Variants in SLC12A9 observed in about 807,000 individuals in gnomAD.
SLC12A9 encodes solute carrier family 12 member 9.
In SLC12A9, 55 loss-of-function variants were observed where a neutral mutation model predicts 66.0. The observed-to-expected ratio is 0.83, with a 90% confidence interval of 0.67 to 1.04. The LOEUF (loss-of-function observed/expected upper bound fraction) is 1.04. SLC12A9 is among the 50% of genes least tolerant of loss of function. The pLI is 0.00. For synonymous variants in SLC12A9, 577 were observed against 569.0 expected (o/e 1.01, Z -0.20); for missense variants, 1,061 against 1,241.9 (o/e 0.85, Z 2.19).
At position 100,866,206 on chromosome 7, in the gene SLC12A9, G is replaced by A. The variant is rs550363475; in HGVS notation, c.2346G>A (p.Glu782=). 1.2e-6 allele frequency: 2 copies of A among 1,610,788 alleles called. No individual in the cohort carries two copies. The highest frequency in any genetic ancestry group is 1.3e-5 in the African/African-American group (1 of 74,990). ...LGPREAPGAA[E]GRLRALLSQL... The stretch of plus-strand genomic sequence containing the variant: ...CTCGGGAGGCGCCTGGGGCGGCCGA[G>A]GGGCGGCTGCGGGCACTGCTGAGCC... The change falls in exon 14 of 14, where the codon GAG becomes GAA. Residue 782 remains glutamate (E), a synonymous_variant. Transcript: ENST00000354161. This position sits in a 1 kb window ranked among gnomAD's most constrained non-coding sequence, Gnocchi z 7.3.
At position 100,832,152 on chromosome 7, in the gene SLC12A9, A is replaced by G. The variant is rs1458404387; in HGVS notation, n.228+5105A>G. Among the ~76,000 whole-genome samples, 4 of 152,266 alleles carry G rather than the reference A, an allele frequency of 2.6e-5. No individual in the cohort carries two copies. In the East Asian group the frequency reaches 7.7e-4, roughly 29 times the overall value. On this transcript the variant is annotated intron_variant and non_coding_transcript_variant, in intron 1 of 1. Transcript: ENST00000461016. The stretch of plus-strand genomic sequence containing the variant: ...GAGGCGGAGGTTGCAGTGAGCCGAG[A>G]TCGCGCCACTGCACTCCAGCCTGGC...
chr7:100,845,041 C>T (rs951518224), intron 1 of SLC12A9, among the ~76,000 whole-genome samples: 1 of 151,770 alleles, frequency 6.6e-6, no homozygotes, highest in African/African-American at 2.4e-5. Context: ...CTGATGAATT[C>T]CTGGCACAAA....
intron 12 of SLC12A9, 105 bp downstream of exon 12, chr7:100,862,016 G>A (rs111627649): frequency 3.2e-6 from 4 of 1,267,702 alleles, no homozygotes; most frequent in African/African-American, 1.5e-5. Flanking sequence ...CTGGAGTGCA[G>A]TGGGACGATC....
intron 1 of SLC12A9, among the ~76,000 whole-genome samples, chr7:100,830,786 C>T (rs1813529071): frequency 6.6e-6 from 1 of 151,900 alleles, no homozygotes; most frequent in Admixed American, 6.6e-5. Context: ...AAAAAAAATC[C>T]CATGATTTCC....
chr7:100,844,923 G>A (rs766631801), intron 1 of SLC12A9, among the ~76,000 whole-genome samples: 16 of 152,008 alleles, frequency 1.1e-4, no homozygotes, highest in Admixed American at 2.6e-4. Context: ...TTAGCCGAGC[G>A]TGCAGCCCAG....
chr7:100,864,727 T>A (rs1814974754), intron 13 of SLC12A9, among the ~76,000 whole-genome samples: 1 of 152,202 alleles, frequency 6.6e-6, no homozygotes, highest in Admixed American at 6.5e-5. Context: ...TATGGGCAAG[T>A]GACTTCATCC....
At position 100,852,813 on chromosome 7, in the gene SLC12A9, C is replaced by G. The variant is rs887745888; in HGVS notation, c.-65C>G. ...GGAGCCCCCCGGCTCGCGGGGATCG[C>G]CCCCGAGCGCTGCGTCCTGCGGGTG... is the stretch of plus-strand genomic sequence containing the variant. On this transcript the variant is annotated 5_prime_UTR_variant, in exon 1 of 14. Transcript: ENST00000354161. 6.6e-6 allele frequency: 1 copy of G among 152,254 alleles called. No homozygotes were observed. Among genetic ancestry groups the G allele is most frequent in the Middle Eastern group, 3.1e-3 (1 of 318 alleles). 9.4% of individuals were successfully genotyped at this position (152,254 alleles called of 1,614,324 possible).
chr7:100,850,065 G>A (rs1366274246), upstream of SLC12A9, among the ~76,000 whole-genome samples: 1 of 151,930 alleles, frequency 6.6e-6, no homozygotes, highest in African/African-American at 2.4e-5. Context: ...TAGAGACAGG[G>A]TTTCCCCATT....
At chr7:100,856,281 C>T (rs1003094869) in intron 4 of SLC12A9, 48 of 162,586 alleles carry the variant, frequency 3.0e-4, no homozygotes, top group Middle Eastern at 3.2e-3. Context: ...GATCTCCGCT[C>T]ACTGCAACCT....
intron 13 of SLC12A9, among the ~76,000 whole-genome samples, chr7:100,864,224 T>C (rs1487268981): frequency 1.3e-5 from 2 of 151,890 alleles, no homozygotes; most frequent in African/African-American, 2.4e-5. Flanking sequence ...ACTACAGATA[T>C]ACGCCAGCAT....
At chr7:100,843,813 C>T (rs1162244698) in intron 1 of SLC12A9, among the ~76,000 whole-genome samples, 1 of 152,212 alleles carries the variant, frequency 6.6e-6, no homozygotes, top group East Asian at 1.9e-4. Flanking sequence ...AAGTTTGCAA[C>T]ACCCTAAACC....
At chr7:100,859,781 C>G (rs1034961607) in intron 7 of SLC12A9, 104 bp from the exon 8 acceptor site, 26 of 1,368,570 alleles carry the variant, frequency 1.9e-5, no homozygotes, top group Non-Finnish European at 2.4e-5. Context: ...AGGCATATCC[C>G]TTTAGCACAT....
chr7:100,828,496 G>A (rs1317943701), intron 1 of SLC12A9, among the ~76,000 whole-genome samples: 3 of 144,768 alleles, frequency 2.1e-5, no homozygotes, highest in East Asian at 2.0e-4. Flanking sequence ...AGTGAGCTGG[G>A]AGCTGAGATC....
At chr7:100,833,684 C>G (rs1365240795) in intron 1 of SLC12A9, among the ~76,000 whole-genome samples, 2 of 151,748 alleles carry the variant, frequency 1.3e-5, no homozygotes, top group Non-Finnish European at 2.9e-5. Context: ...CCTATAATCC[C>G]AGCACTTTGG....
chr7:100,856,761 C>A, intron 4 of SLC12A9, 107 bp from the exon 5 acceptor site: 1 of 1,137,378 alleles, frequency 8.8e-7, no homozygotes. Flanking sequence ...ATCCTCCCAC[C>A]TCGGCCTCCC....
chr7:100,829,551 C>T (rs536677321), intron 1 of SLC12A9, among the ~76,000 whole-genome samples: 16 of 152,208 alleles, frequency 1.1e-4, no homozygotes, highest in Middle Eastern at 3.4e-3. Context: ...AGGAAACAGC[C>T]GGCTTCACTG....
chr7:100,861,873 G>T lies in SLC12A9; in HGVS notation c.1673G>T (p.Gly558Val), dbSNP rs745538841. The T allele has an allele frequency of 2.5e-5, 40 of 1,612,934 alleles. No individual in the cohort carries two copies. Among genetic ancestry groups the T allele is most frequent in the East Asian group, 4.5e-5 (2 of 44,870 alleles). The change falls in exon 12 of 14, where the codon GGG (glycine) becomes GTG (valine). Residue 558 changes from glycine (G) to valine (V), a missense_variant. Transcript: ENST00000354161. This position sits in a 1 kb window ranked among gnomAD's most constrained non-coding sequence, Gnocchi z 5.3. ...TTGGCCAACCAGCTTAAGAAGGGGG[G>T]GCTGTATGTGCTGGGCCACGTCACC... ...LRLANQLKKG[G>V]LYVLGHVTLG...
intron 1 of SLC12A9, among the ~76,000 whole-genome samples, chr7:100,845,090 A>G (rs777558127): frequency 2.0e-5 from 3 of 151,890 alleles, no homozygotes; most frequent in Non-Finnish European, 4.4e-5. Context: ...AAAAGCCTCA[A>G]TCATTGGACA....
At chr7:100,862,248 C>T (rs1281964989) in intron 12 of SLC12A9, among the ~76,000 whole-genome samples, 4 of 152,008 alleles carry the variant, frequency 2.6e-5, no homozygotes, top group East Asian at 1.9e-4. Context: ...TGAGCCACCA[C>T]GGCCAGAACC....
Sources: allele counts gnomAD v4.1 joint callset (sites outside exome capture counted in the v4.1 genomes callset), GRCh38; gene constraint gnomAD v4.1.1; non-coding constraint Gnocchi (gnomAD v3.1); transcripts MANE v1.5; gene names NCBI Gene and HGNC (gene_info 2026-07-23, HGNC 2026-07-21).